The following HEPH variants were observed in gnomAD, a reference collection of about 807,000 sequenced individuals.
HEPH encodes the protein hephaestin.
In HEPH, 69 loss-of-function variants were observed where a neutral mutation model predicts 80.8. The ratio of observed to expected loss-of-function variants is 0.85; its 90% CI spans 0.70 to 1.04. The LOEUF (loss-of-function observed/expected upper bound fraction) is 1.04. Among genes scored for constraint, HEPH ranks in the 50% least tolerant of loss-of-function variants. The pLI is 0.00. For synonymous variants in HEPH, 431 were observed against 322.8 expected, an observed-to-expected ratio of 1.34 and a Z score of -3.60; for missense variants, 1,115 against 891.3, an observed-to-expected ratio of 1.25 and a Z score of -3.20.
intron 13 of HEPH, among the ~76,000 whole-genome samples, chrX:66,205,810 C>A (rs1301062036): frequency 9.0e-6 from 1 of 110,528 alleles, no homozygotes; most frequent in Non-Finnish European, 1.9e-5. Context: ...TGAATTGTTT[C>A]AGTTTTTGGA....
rs762765698 is a variant in HEPH, at chrX:66,256,346, C to A, written c.2896+16C>A. The A allele has an allele frequency of 2.7e-6, 3 of 1,131,317 alleles. No homozygotes were observed. The highest frequency in any genetic ancestry group is 3.0e-5 in the East Asian group (1 of 33,210). The allele number at this position is 1,131,317 out of a possible 1,213,427, so 93.2% of individuals were successfully genotyped here. ...AAAATGCATGGTCAGTAGTAAAAAA[C>A]CTACTCTTGTTCCAAAGCAGTCCCT... On this transcript the variant is annotated intron_variant, in intron 17 of 20. Transcript: ENST00000343002.
chrX:66,227,465 G>C (rs143861028), intron 15 of HEPH, among the ~76,000 whole-genome samples: 1 of 111,348 alleles, frequency 9.0e-6, no homozygotes, highest in East Asian at 2.8e-4. Context: ...ATCCAAATTG[G>C]TAAAGAGGAA....
chrX:66,244,601 C>A (rs1036812248), intron 15 of HEPH, among the ~76,000 whole-genome samples: 8 of 111,351 alleles, frequency 7.2e-5, no homozygotes, highest in Non-Finnish European at 1.3e-4. Flanking sequence ...TTTCTACTTT[C>A]TCCTGAATGT....
At chrX:66,259,883 AT>A (rs773492398) in intron 18 of HEPH, among the ~76,000 whole-genome samples, 4 of 107,029 alleles carry the variant, frequency 3.7e-5, no homozygotes, top group African/African-American at 6.8e-5. Context: ...AATTTTTTTT[AT>A]TTTTTTTATT....
rs2086269500 is a variant in HEPH, at chrX:66,164,300, C to T, written c.-184C>T. On this transcript the variant is annotated 5_prime_UTR_variant, in exon 1 of 21. Transcript: ENST00000343002. ...GGGCACCCAGCCCTTCCCCCTCCCT[C>T]ATCCTCCCATCCCAGTAAACCCTGC... is the stretch of plus-strand genomic sequence containing the variant. The T allele has an allele frequency of 1.3e-6, 1 of 750,909 alleles. No homozygotes were observed. Among genetic ancestry groups the T allele is most frequent in the Non-Finnish European group, 1.6e-6 (1 of 637,963 alleles). 61.9% of individuals were successfully genotyped at this position (750,909 alleles called of 1,213,427 possible). A position where few individuals can be genotyped will look rare whatever the true frequency, so the allele number is the denominator to read the frequency against.
intron 3 of HEPH, among the ~76,000 whole-genome samples, chrX:66,173,360 TG>T (rs1359097325): frequency 8.9e-6 from 1 of 112,120 alleles, no homozygotes; most frequent in East Asian, 2.8e-4. Context: ...ACTTTTCCAG[TG>T]GCTACAAGCT....
chrX:66,220,521 A>G (rs1167261235), intron 15 of HEPH, among the ~76,000 whole-genome samples: 2 of 111,788 alleles, frequency 1.8e-5, no homozygotes, highest in Non-Finnish European at 3.8e-5. Flanking sequence ...GAAGGTGGAC[A>G]GCATCCTTTT....
intron 4 of HEPH, among the ~76,000 whole-genome samples, chrX:66,175,888 C>A (rs185561466): frequency 2.0e-4 from 22 of 111,767 alleles, no homozygotes; most frequent in Middle Eastern, 9.1e-3. Flanking sequence ...TTACTGAATT[C>A]TTTTATCAGT....
At chrX:66,231,870 A>T (rs1467903267) in intron 15 of HEPH, among the ~76,000 whole-genome samples, 1 of 108,973 alleles carries the variant, frequency 9.2e-6, no homozygotes, top group Admixed American at 9.8e-5. Context: ...TTCAAAGGGA[A>T]TGCTTCCAGT....
intron 14 of HEPH, 82 bp downstream of exon 14, chrX:66,207,416 C>G: frequency 1.5e-6 from 1 of 687,825 alleles, no homozygotes; most frequent in Non-Finnish European, 2.0e-6. Context: ...GATGGCCTCA[C>G]TATTCCCCAT....
intron 4 of HEPH, among the ~76,000 whole-genome samples, chrX:66,178,257 C>A (rs1005691644): frequency 1.8e-5 from 2 of 111,969 alleles, no homozygotes; most frequent in African/African-American, 6.5e-5. Flanking sequence ...ATCTATGTCC[C>A]TACAAAGGAC....
chrX:66,261,199 A>G (rs79929117), intron 19 of HEPH, among the ~76,000 whole-genome samples: 1 of 112,438 alleles, frequency 8.9e-6, no homozygotes, highest in Non-Finnish European at 1.9e-5. Flanking sequence ...ACATCTAGCA[A>G]GACAGTTCTT....
intron 15 of HEPH, among the ~76,000 whole-genome samples, chrX:66,208,897 G>A (rs978385466): frequency 2.8e-5 from 3 of 107,933 alleles, no homozygotes; most frequent in Admixed American, 2.0e-4. Context: ...TCAGCCCTTA[G>A]CCCAGTAAAT....
At chrX:66,179,956 T>C (rs752010113) in intron 4 of HEPH, among the ~76,000 whole-genome samples, 1 of 111,268 alleles carries the variant, frequency 9.0e-6, no homozygotes, top group African/African-American at 3.3e-5. Flanking sequence ...CCCCTTGACT[T>C]TAAGTTTATG....
chrX:66,262,027 A>G (rs1047102827), intron 19 of HEPH, among the ~76,000 whole-genome samples: 5 of 112,418 alleles, frequency 4.4e-5, no homozygotes, highest in African/African-American at 1.6e-4. Context: ...TTGCCAGGGT[A>G]CTTCCATGAG....
At chrX:66,215,417 A>T (rs1398479047) in intron 15 of HEPH, among the ~76,000 whole-genome samples, 2 of 110,893 alleles carry the variant, frequency 1.8e-5, no homozygotes, top group Non-Finnish European at 3.8e-5. Context: ...AATACTAGTG[A>T]TGGTAGTGGT....
At chrX:66,174,650 G>T (rs751738557) in intron 4 of HEPH, among the ~76,000 whole-genome samples, 1 of 111,421 alleles carries the variant, frequency 9.0e-6, no homozygotes, top group Non-Finnish European at 1.9e-5. Flanking sequence ...GCTGTTCCCT[G>T]TTCACCACAT....
chrX:66,208,410 G>A lies in HEPH; in HGVS notation c.2563+164G>A, dbSNP rs2088912299. 4 of 453,288 alleles carry A rather than the reference G, an allele frequency of 8.8e-6. No individual in the cohort carries two copies. The Admixed American group carries it at 1.8e-4, about 20-fold the overall frequency. 37.4% of individuals were successfully genotyped at this position (453,288 alleles called of 1,213,427 possible). A position where few individuals can be genotyped will look rare whatever the true frequency, so the allele number is the denominator to read the frequency against. ...GAGGCGGGTGGATCACTTGAGGTTAGGAGTTCAAGACTAGCCTGGCCAACA... is the reference window on the plus strand; with the variant it reads ...GAGGCGGGTGGATCACTTGAGGTTAAGAGTTCAAGACTAGCCTGGCCAACA... On this transcript the variant is annotated intron_variant, in intron 15 of 20. Transcript: ENST00000343002.
intron 15 of HEPH, among the ~76,000 whole-genome samples, chrX:66,230,091 C>A (rs1401401784): frequency 1.0e-5 from 1 of 100,436 alleles, no homozygotes; most frequent in Non-Finnish European, 2.0e-5. Flanking sequence ...CATGTCCCTA[C>A]AAAGGACATG....
Sources: allele counts gnomAD v4.1 joint callset (sites outside exome capture counted in the v4.1 genomes callset), GRCh38; gene constraint gnomAD v4.1.1; transcripts MANE v1.5; gene names NCBI Gene and HGNC (gene_info 2026-07-23, HGNC 2026-07-21).